MAPKAP1: variants seen among roughly 807,000 people sequenced by gnomAD.
MAPKAP1 encodes the protein MAPK associated protein 1.
A neutral mutation model predicts 65.7 loss-of-function variants in MAPKAP1; 20 were observed. The observed-to-expected ratio is 0.30, with a 90% CI of 0.21 to 0.44. The LOEUF is 0.44. Among genes scored for constraint, MAPKAP1 ranks in the 20% least tolerant of loss-of-function variants. The pLI is 1.00. For missense variants in MAPKAP1, 423 were observed against 648.0 expected (o/e 0.65, Z 3.77); for synonymous variants, 222 against 244.3 (o/e 0.91, Z 0.85).
chr9:125,679,873 G>GTAT (rs1834769571), intron 1 of MAPKAP1, among the ~76,000 whole-genome samples: 1 of 152,144 alleles, frequency 6.6e-6, no homozygotes, highest in Admixed American at 6.5e-5. Context: ...AAACTTGTCA[G>GTAT]AATAGGCAAC....
chr9:125,562,926 C>T (rs522352), intron 5 of MAPKAP1, among the ~76,000 whole-genome samples: 132,483 of 152,186 alleles, frequency 0.87, 59,237 homozygotes, highest in East Asian at 1. Flanking sequence ...GCCAAAGCCA[C>T]AGTGTGTCAA....
intron 6 of MAPKAP1, among the ~76,000 whole-genome samples, chr9:125,546,348 C>T (rs989382268): frequency 3.9e-5 from 6 of 152,178 alleles, no homozygotes; most frequent in African/African-American, 1.4e-4. Context: ...TCCCTCCAGA[C>T]GAATGCCAAC....
intron 7 of MAPKAP1, among the ~76,000 whole-genome samples, chr9:125,533,472 CAG>C (rs1263334076): frequency 1.3e-5 from 2 of 151,224 alleles, no homozygotes; most frequent in Admixed American, 6.6e-5. Flanking sequence ...TTTTTTGAGA[CAG>C]AGTCTTACTC....
At chr9:125,548,885 G>T (rs1468172356) in intron 6 of MAPKAP1, among the ~76,000 whole-genome samples, 1 of 152,148 alleles carries the variant, frequency 6.6e-6, no homozygotes, top group African/African-American at 2.4e-5. Context: ...GTTTGGCAAG[G>T]TTGAGACATT....
chr9:125,698,303 ATAT>A (rs1835476909), intron 1 of MAPKAP1, among the ~76,000 whole-genome samples: 5 of 21,464 alleles, frequency 2.3e-4, no homozygotes, highest in African/African-American at 5.4e-4. Context: ...ATATATATAT[ATAT>A]ATATATATAT....
intron 6 of MAPKAP1, among the ~76,000 whole-genome samples, chr9:125,558,199 A>G (rs915437495): frequency 6.6e-6 from 1 of 152,244 alleles, no homozygotes; most frequent in African/African-American, 2.4e-5. Context: ...TAACACAAAA[A>G]TATGTGTGCT....
intron 3 of MAPKAP1, among the ~76,000 whole-genome samples, chr9:125,662,435 G>C (rs1255205939): frequency 1.3e-5 from 2 of 152,198 alleles, no homozygotes; most frequent in East Asian, 3.8e-4. Context: ...TGTAATCCCA[G>C]CACTTTGGGA....
At chr9:125,525,811 A>T (rs1199787271) in intron 7 of MAPKAP1, among the ~76,000 whole-genome samples, 1 of 152,212 alleles carries the variant, frequency 6.6e-6, no homozygotes, top group East Asian at 1.9e-4. Flanking sequence ...CAACCAGAAG[A>T]CTATGATCTG....
intron 1 of MAPKAP1, among the ~76,000 whole-genome samples, chr9:125,678,253 A>T (rs1326218804): frequency 4.1e-5 from 6 of 146,910 alleles, no homozygotes; most frequent in Non-Finnish European, 9.0e-5. Flanking sequence ...ATTTTTATTT[A>T]TTTTTTTTTG....
intron 2 of MAPKAP1, 43 bp downstream of exon 2, chr9:125,672,273 C>T (rs1198107787): frequency 6.2e-7 from 1 of 1,603,178 alleles, no homozygotes; most frequent in African/African-American, 1.3e-5. Flanking sequence ...AGACTGTTTA[C>T]TGATTTAAAG....
chr9:125,573,739 T>C (rs932468462), intron 5 of MAPKAP1, among the ~76,000 whole-genome samples: 3 of 152,122 alleles, frequency 2.0e-5, no homozygotes, highest in African/African-American at 7.2e-5. Flanking sequence ...ACATGCTTCC[T>C]CCAGCAATAA....
intron 6 of MAPKAP1, among the ~76,000 whole-genome samples, chr9:125,545,063 C>T (rs1830380967): frequency 6.6e-6 from 1 of 152,206 alleles, no homozygotes; most frequent in South Asian, 2.1e-4. Flanking sequence ...TTAACTTGGT[C>T]AAGTTCTTGC....
chr9:125,668,935 G>A (rs1019476889), intron 3 of MAPKAP1, among the ~76,000 whole-genome samples: 1 of 152,226 alleles, frequency 6.6e-6, no homozygotes, highest in Non-Finnish European at 1.5e-5. Context: ...TATAATCCCA[G>A]CACTTTGGGA....
rs181828477 is a variant in MAPKAP1, at chr9:125,460,449, C to T, written c.1345+7523G>A. On this transcript the variant is annotated intron_variant, in intron 10 of 11. Transcript: ENST00000265960. Reference sequence around the variant, plus strand: ...AATTTACAGAAAATGTAAGAAAACTCACTATCTCAGCACCAGCCAATTTTC... The same window carrying T: ...AATTTACAGAAAATGTAAGAAAACTTACTATCTCAGCACCAGCCAATTTTC... Among the ~76,000 whole-genome samples the T allele has an allele frequency of 3.5e-4, 54 of 152,246 alleles. 1 individual carries two copies. The East Asian group carries it at 8.9e-3, about 25-fold the overall frequency.
At chr9:125,525,445 G>A (rs1448296374) in intron 7 of MAPKAP1, among the ~76,000 whole-genome samples, 1 of 151,954 alleles carries the variant, frequency 6.6e-6, no homozygotes, top group African/African-American at 2.4e-5. Context: ...AGGCTGAGGT[G>A]GGCAGATCAC....
Position 125,495,025 on chromosome 9 carries a change from A to G in MAPKAP1, c.1067-10442T>C, listed in dbSNP as rs369365975. On this transcript the variant is annotated intron_variant, in intron 8 of 11. Coordinates refer to ENST00000265960, the MANE Select transcript of MAPKAP1 (RefSeq NM_001006617.3). ...GCATGACCACTTAAGGGTCTGGACC[A>G]ATGGTTCATTATGGGTTTGCTTGGA... Among the ~76,000 whole-genome samples the G allele has an allele frequency of 1.6e-4, 24 of 152,340 alleles. No homozygotes were observed. In the East Asian group the frequency reaches 1.7e-3, roughly 11 times the overall value.
Position 125,557,416 on chromosome 9 carries a change from G to GA in MAPKAP1, c.848+2216dup, listed in dbSNP as rs202040182. 5.3e-5 allele frequency among the ~76,000 whole-genome samples: 8 copies of GA among 151,224 alleles called. No individual in the cohort carries two copies. The East Asian group carries it at 1.2e-3, about 22-fold the overall frequency. On this transcript the variant is annotated intron_variant, in intron 6 of 11. Transcript: ENST00000265960. The stretch of plus-strand genomic sequence containing the variant: ...GCCACTGTGTATATCTTTTAGAGTA[G>GA]AAAAAAAAACTTCTAATACCTTGTA...
intron 7 of MAPKAP1, among the ~76,000 whole-genome samples, chr9:125,534,052 T>C (rs1350501309): frequency 3.3e-5 from 5 of 152,216 alleles, no homozygotes; most frequent in African/African-American, 1.2e-4. Flanking sequence ...TGTGACATAA[T>C]TACCCTAAAA....
At chr9:125,578,164 T>G (rs1417034074) in intron 5 of MAPKAP1, among the ~76,000 whole-genome samples, 1 of 152,190 alleles carries the variant, frequency 6.6e-6, no homozygotes, top group Non-Finnish European at 1.5e-5. Flanking sequence ...ACATGTGCTG[T>G]GTCCACTCAG....
Sources: allele counts gnomAD v4.1 joint callset (sites outside exome capture counted in the v4.1 genomes callset), GRCh38; gene constraint gnomAD v4.1.1; transcripts MANE v1.5; gene names NCBI Gene and HGNC (gene_info 2026-07-23, HGNC 2026-07-21).